ANGPTL1: variants seen among roughly 807,000 people sequenced by gnomAD.
ANGPTL1 encodes the protein angiopoietin-related protein 1.
A neutral mutation model predicts 46.7 loss-of-function variants in ANGPTL1; 36 were observed. The ratio of observed to expected loss-of-function variants is 0.77; its 90% CI spans 0.59 to 1.02. The LOEUF (loss-of-function observed/expected upper bound fraction) is 1.02, where lower values mean the gene tolerates loss of function less well. Among genes scored for constraint, ANGPTL1 ranks in the 50% least tolerant of loss-of-function variants. ANGPTL1 has a pLI of 0.00. For synonymous variants in ANGPTL1, 221 were observed against 204.3 expected (o/e 1.08, Z -0.69); for missense variants, 571 against 594.7 (o/e 0.96, Z 0.41).
chr1:178,869,904 C>A (rs1279217394), intron 1 of ANGPTL1, among the ~76,000 whole-genome samples: 2 of 151,912 alleles, frequency 1.3e-5, no homozygotes, highest in African/African-American at 4.8e-5. Flanking sequence ...TTGAAGGAAA[C>A]CTCTTATGTG....
rs1310463691 is a variant in ANGPTL1, at chr1:178,853,617, A to G, written c.994T>C (p.Phe332Leu). ...ACCTTATAATTTTCCCAATTTCTGA[A>G]GAAGTTGACAGAGCCGTCTGTTCTT... ...QKRTDGSVNF[F>L]RNWENYKKGF... The change falls in exon 4 of 6, where the codon TTC becomes CTC. Residue 332 changes from phenylalanine (F) to leucine (L), a missense_variant. By Grantham distance (22) the Phe-to-Leu change is conservative (BLOSUM62 0). Coordinates refer to ENST00000234816, the MANE Select transcript of ANGPTL1 (RefSeq NM_004673.4). 6.3e-6 allele frequency: 10 copies of G among 1,595,898 alleles called. No individual in the cohort carries two copies. Among genetic ancestry groups the G allele is most frequent in the Non-Finnish European group, 7.7e-6 (9 of 1,173,738 alleles).
At position 178,852,690 on chromosome 1, in the gene ANGPTL1, C is replaced by A. The variant is rs749799101; in HGVS notation, c.1281G>T (p.Met427Ile). Residue 427 changes from methionine to isoleucine, a missense_variant, in exon 5 of 6, where the codon ATG becomes ATT. Transcript: ENST00000234816. Reference protein sequence around the residue: ...QFTTLDRDKDMYAGNCAHFHK... With the variant: ...QFTTLDRDKDIYAGNCAHFHK... ...AAAGTTTTTCATACTTACCTGCATACATATCTTTATCTCTGTCCAGTGTGG... is the reference window on the plus strand; with the variant it reads ...AAAGTTTTTCATACTTACCTGCATAAATATCTTTATCTCTGTCCAGTGTGG... The A allele has an allele frequency of 3.7e-6, 6 of 1,611,920 alleles. No individual in the cohort carries two copies. The African/African-American group carries it at 8.0e-5, about 22-fold the overall frequency.
In ANGPTL1 at chr1:178,865,185, C is replaced by T; in HGVS notation, c.592G>A (p.Glu198Lys). The T allele has an allele frequency of 6.2e-7, 1 of 1,613,046 alleles. No individual in the cohort carries two copies. Among genetic ancestry groups the T allele is most frequent in the Admixed American group, 1.7e-5 (1 of 59,980 alleles). Residue 198 changes from glutamate to lysine, a missense_variant, in exon 3 of 6, where the codon GAA becomes AAA. Glu to Lys is a moderately conservative substitution (Grantham distance 56). Coordinates refer to ENST00000234816, the MANE Select transcript of ANGPTL1 (RefSeq NM_004673.4). ...CGGGAAAATATCCTCAAGCACTGTT[C>T]TTCCAACAAAGTGATCATCACAGAT... is the stretch of plus-strand genomic sequence containing the variant. ...NQSVMITLLE[E>K]QCLRIFSRQD...
intron 3 of ANGPTL1, among the ~76,000 whole-genome samples, chr1:178,855,759 A>T (rs1657492421): frequency 6.6e-6 from 1 of 151,770 alleles, no homozygotes. Flanking sequence ...AAGTTTGCTG[A>T]GAGTTTTTAT....
Position 178,852,933 on chromosome 1 carries a change from G to T in ANGPTL1, c.1038C>A (p.Asp346Glu). 1 of 1,611,584 alleles carries T rather than the reference G, an allele frequency of 6.2e-7. No individual in the cohort carries two copies. Among genetic ancestry groups the T allele is most frequent in the Non-Finnish European group, 8.5e-7 (1 of 1,178,864 alleles). Residue 346 changes from aspartate to glutamate, a missense_variant, in exon 5 of 6, where the codon GAC (aspartate) becomes GAA (glutamate). By Grantham distance (45) the Asp-to-Glu change is conservative. Transcript: ENST00000234816. ...ENYKKGFGNI[D>E]GEYWLGLENI... is the part of the protein sequence containing the mutation. ...TTTCCAGTCCAAGCCAGTATTCTCC[G>T]TCAATGTTTCCAAACCCTTTCTGTT...
Position 178,850,502 on chromosome 1 carries a change from T to TG in ANGPTL1, c.*626dup, listed in dbSNP as rs1183619022. The TG allele has an allele frequency of 6.6e-6, 1 of 150,988 alleles. No homozygotes were observed. 9.4% of individuals were successfully genotyped at this position (150,988 alleles called of 1,614,324 possible). On this transcript the variant is annotated 3_prime_UTR_variant, in exon 6 of 6. Coordinates refer to ENST00000234816, the MANE Select transcript of ANGPTL1 (RefSeq NM_004673.4). ...ATTTAAATTATGCATGCATTATTTT[T>TG]GGGTTTTTTTTTATTTTTAAAAATG...
intron 3 of ANGPTL1, among the ~76,000 whole-genome samples, chr1:178,861,018 A>G (rs1235234164): frequency 6.6e-6 from 1 of 152,214 alleles, no homozygotes; most frequent in Non-Finnish European, 1.5e-5. Flanking sequence ...ATCACAGAAT[A>G]TTAGAATTTG....
At chr1:178,855,979 AATAT>A (rs987034636) in intron 3 of ANGPTL1, among the ~76,000 whole-genome samples, 1 of 148,424 alleles carries the variant, frequency 6.7e-6, no homozygotes, top group African/African-American at 2.5e-5. Context: ...ACAAAAAAGT[AATAT>A]ATATAAGAAC....
rs1391870966 is a variant in ANGPTL1 at position 178,870,946 on chromosome 1, TA to T, written c.-343del. ...ATTTGACAAGCCACCTATGTAATTT[TA>T]AGTAGTATAGTGGAAGTTCTGGTCT... On this transcript the variant is annotated 5_prime_UTR_variant, in exon 1 of 6. An upstream open reading frame in the 5' UTR gains an earlier in-frame stop. Transcript: ENST00000234816. 6.6e-6 allele frequency: 1 copy of T among 152,202 alleles called. No homozygotes were observed. Among genetic ancestry groups the T allele is most frequent in the African/African-American group, 2.4e-5 (1 of 41,454 alleles). The allele number at this position is 152,202 out of a possible 1,614,324, so 9.4% of individuals were successfully genotyped here.
chr1:178,849,832 C>T lies in ANGPTL1; in HGVS notation c.*1297G>A, dbSNP rs1485507675. ...TGATTATCTTCACATTAAGCTATTC[C>T]CATGCATAGTTTGCCTCACACATTT... On this transcript the variant is annotated 3_prime_UTR_variant, in exon 6 of 6. Coordinates refer to ENST00000234816, the MANE Select transcript of ANGPTL1 (RefSeq NM_004673.4). 1 of 152,180 alleles carries T rather than the reference C, an allele frequency of 6.6e-6. No homozygotes were observed. Among genetic ancestry groups the T allele is most frequent in the East Asian group, 1.9e-4 (1 of 5,204 alleles). 9.4% of individuals were successfully genotyped at this position (152,180 alleles called of 1,614,324 possible). A position where few individuals can be genotyped will look rare whatever the true frequency, so the allele number is the denominator to read the frequency against.
Position 178,852,765 on chromosome 1 carries a change from G to C in ANGPTL1, c.1206C>G (p.Tyr402Ter), listed in dbSNP as rs751357250. The C allele has an allele frequency of 6.2e-6, 10 of 1,613,810 alleles. No individual in the cohort carries two copies. Among genetic ancestry groups the C allele is most frequent in the Non-Finnish European group, 8.5e-6 (10 of 1,179,844 alleles). The part of the protein sequence containing the change: ...SEFYRLRLGT[Y>*]QGNAGDSMMW... ...TCATAGAATCCCCTGCATTTCCCTG[G>C]TAAGTTCCCAGGCGCAGTCTATAGA... Residue 402 changes from tyrosine to a stop codon, truncating the protein, a stop_gained, in exon 5 of 6, where the codon TAC (tyrosine) becomes TAG (stop). Transcript: ENST00000234816. LOFTEE classifies it high-confidence loss of function.
rs536828554 is a variant in ANGPTL1, at chr1:178,865,983, C to T, written c.-26-181G>A. Among the ~76,000 whole-genome samples the T allele has an allele frequency of 1.8e-4, 27 of 152,206 alleles. No homozygotes were observed. The South Asian group carries it at 4.8e-3, about 27-fold the overall frequency. On this transcript the variant is annotated intron_variant, in intron 2 of 5. Transcript: ENST00000234816. ...TTAATATTAAGTTGTAATACTTTGG[C>T]ATTTGTTTAAAGATTAGGTTTCAGA...
chr1:178,856,202 G>GAGAGAGAGATATATAT (rs1428022812), intron 3 of ANGPTL1, among the ~76,000 whole-genome samples: 4 of 83,912 alleles, frequency 4.8e-5, no homozygotes, highest in African/African-American at 2.6e-4. Flanking sequence ...GAGAGAGAGA[G>GAGAGAGAGATATATAT]ATATATATAT....
At chr1:178,863,855 CAG>C (rs1407102183) in intron 3 of ANGPTL1, among the ~76,000 whole-genome samples, 1 of 152,184 alleles carries the variant, frequency 6.6e-6, no homozygotes, top group Non-Finnish European at 1.5e-5. Flanking sequence ...TATTCACTGA[CAG>C]AGAGATGAAA....
chr1:178,856,420 T>TTTTTTG (rs1657586371), intron 3 of ANGPTL1, among the ~76,000 whole-genome samples: 2 of 120,578 alleles, frequency 1.7e-5, no homozygotes, highest in African/African-American at 7.0e-5. Flanking sequence ...TTTTTTTTTT[T>TTTTTTG]TTTTTTGAGA....
At chr1:178,856,050 T>C (rs1240489658) in intron 3 of ANGPTL1, among the ~76,000 whole-genome samples, 1 of 149,198 alleles carries the variant, frequency 6.7e-6, no homozygotes, top group African/African-American at 2.4e-5. Context: ...AAATTTTATA[T>C]TTTACTAGAA....
intron 3 of ANGPTL1, among the ~76,000 whole-genome samples, chr1:178,859,099 G>A (rs1657783785): frequency 6.6e-6 from 1 of 151,832 alleles, no homozygotes; most frequent in Admixed American, 6.6e-5. Context: ...GAATTACTTA[G>A]TTTATTAATC....
intron 3 of ANGPTL1, among the ~76,000 whole-genome samples, chr1:178,862,451 G>A (rs1401915918): frequency 6.6e-6 from 1 of 152,084 alleles, no homozygotes; most frequent in Non-Finnish European, 1.5e-5. Flanking sequence ...TATTCTGAGT[G>A]TATGTAAAGA....
rs1657126115 is a variant in ANGPTL1, at chr1:178,850,859, G to A, written c.*270C>T. On this transcript the variant is annotated 3_prime_UTR_variant, in exon 6 of 6. Coordinates refer to ENST00000234816, the MANE Select transcript of ANGPTL1 (RefSeq NM_004673.4). ...ATAGCTAAGATTTGCTTTACATTGTGGCAAATATTTACATTTTAGAAAACA... is the reference window on the plus strand; with the variant it reads ...ATAGCTAAGATTTGCTTTACATTGTAGCAAATATTTACATTTTAGAAAACA... 1 of 283,420 alleles carries A rather than the reference G, an allele frequency of 3.5e-6. No homozygotes were observed. Among genetic ancestry groups the A allele is most frequent in the South Asian group, 1.3e-4 (1 of 7,882 alleles). The allele number at this position is 283,420 out of a possible 1,614,324, so 17.6% of individuals were successfully genotyped here.
Sources: gnomAD v4.1 joint callset for allele counts (sites outside exome capture counted in the v4.1 genomes callset) on GRCh38, gnomAD v4.1.1 for gene constraint, MANE v1.5 for transcripts, NCBI Gene and HGNC (gene_info 2026-07-23, HGNC 2026-07-21) for gene names.